Variants in EPC1 observed in about 807,000 individuals in gnomAD.
EPC1 encodes the protein enhancer of polycomb homolog 1.
In EPC1, 12 loss-of-function variants were observed where a neutral mutation model predicts 98.4. The observed-to-expected ratio is 0.12, with a 90% CI of 0.08 to 0.20. EPC1 has a LOEUF of 0.20. EPC1 is among the 10% of genes least tolerant of loss of function. EPC1 has a pLI of 1.00. For missense variants in EPC1, 729 were observed against 990.5 expected (o/e 0.74, Z 3.54); for synonymous variants, 357 against 363.9 (o/e 0.98, Z 0.21).
chr10:32,330,456 T>A (rs577378546), intron 1 of EPC1, among the ~76,000 whole-genome samples: 1 of 152,314 alleles, frequency 6.6e-6, no homozygotes, highest in South Asian at 2.1e-4. Flanking sequence ...AAACAGCATT[T>A]ACATCACAAG....
chr10:32,355,658 A>G (rs1476082877), intron 1 of EPC1, among the ~76,000 whole-genome samples: 2 of 123,292 alleles, frequency 1.6e-5, no homozygotes, highest in Admixed American at 1.0e-4. Context: ...AGAGTTGACC[A>G]GGCTAGAGTG....
chr10:32,288,949 C>T (rs1350496517), intron 6 of EPC1, among the ~76,000 whole-genome samples: 3 of 151,734 alleles, frequency 2.0e-5, no homozygotes, highest in African/African-American at 7.3e-5. Flanking sequence ...ATTAGCCAGG[C>T]GTGGTGGCAT....
chr10:32,364,835 C>A (rs1839551621), intron 1 of EPC1, among the ~76,000 whole-genome samples: 1 of 152,092 alleles, frequency 6.6e-6, no homozygotes, highest in Non-Finnish European at 1.5e-5. Context: ...CACACGCAGC[C>A]CAGGACAGCT....
intron 1 of EPC1, among the ~76,000 whole-genome samples, chr10:32,327,423 T>A (rs1449386301): frequency 6.6e-6 from 1 of 152,142 alleles, no homozygotes; most frequent in African/African-American, 2.4e-5. Context: ...CAGCACATTA[T>A]ATGTTTCAAA....
intron 2 of EPC1, among the ~76,000 whole-genome samples, chr10:32,299,893 T>C (rs1165798063): frequency 6.6e-6 from 1 of 152,118 alleles, no homozygotes; most frequent in Non-Finnish European, 1.5e-5. Context: ...CCAACCCTGA[T>C]TTATGATAAT....
chr10:32,271,919 TAG>T lies in EPC1; in HGVS notation c.2006-4_2006-3del. 6.2e-7 allele frequency: 1 copy of T among 1,607,966 alleles called. No individual in the cohort carries two copies. Among genetic ancestry groups the T allele is most frequent in the Non-Finnish European group, 8.5e-7 (1 of 1,177,278 alleles). On this transcript the variant is annotated splice_region_variant and splice_polypyrimidine_tract_variant and intron_variant, in intron 12 of 13. Coordinates refer to ENST00000319778, the MANE Select transcript of EPC1 (RefSeq NM_001272004.3). The stretch of plus-strand genomic sequence containing the variant: ...TGAGGTGTAAGCCCTTGTATACTCC[TAG>T]AGAGAAAAAGAAAGAAACATCTAAA...
Position 32,354,103 on chromosome 10 carries a change from A to G in EPC1, c.3+24388T>C, listed in dbSNP as rs572764022. 3.9e-5 allele frequency among the ~76,000 whole-genome samples: 6 copies of G among 152,322 alleles called. No individual in the cohort carries two copies. In the South Asian group the frequency reaches 1.2e-3, roughly 32 times the overall value. ...GGTCTGTACATAATCTTTAAGAACTATTTTTCACATAAAATAAAATCATTC... is the reference window on the plus strand; with the variant it reads ...GGTCTGTACATAATCTTTAAGAACTGTTTTTCACATAAAATAAAATCATTC... On this transcript the variant is annotated intron_variant, in intron 1 of 13. Coordinates refer to the EPC1 transcript ENST00000375110.
intron 1 of EPC1, among the ~76,000 whole-genome samples, chr10:32,343,648 A>T (rs947291310): frequency 1.3e-5 from 2 of 151,274 alleles, no homozygotes; most frequent in Admixed American, 6.6e-5. Context: ...TACTACAATT[A>T]AAAAAATAGA....
intron 1 of EPC1, among the ~76,000 whole-genome samples, chr10:32,340,760 G>T (rs1285221602): frequency 2.6e-5 from 4 of 152,096 alleles, no homozygotes; most frequent in African/African-American, 9.7e-5. Flanking sequence ...GGAGGTTGAG[G>T]CTGCAGCTGC....
At chr10:32,324,810 G>T (rs2132932145) in intron 1 of EPC1, among the ~76,000 whole-genome samples, 1 of 152,042 alleles carries the variant, frequency 6.6e-6, no homozygotes, top group South Asian at 2.1e-4. Context: ...TGGCTAACAC[G>T]GTGAAACCCC....
At position 32,301,043 on chromosome 10, in the gene EPC1, TATCTATCTATC is replaced by T. The variant is rs1384270619; in HGVS notation, c.313+4718_313+4728del. Among the ~76,000 whole-genome samples the T allele has an allele frequency of 3.1e-3, 322 of 103,092 alleles. 2 individuals are homozygous for T. Among genetic ancestry groups the T allele is most frequent in the African/African-American group, 0.011 (271 of 25,322 alleles). 67.6% of individuals were successfully genotyped at this position (103,092 alleles called of 152,430 possible). Reference sequence around the variant, plus strand: ...AAAGAATTAGAAGCACATTTATATCTATCTATCTATCTATCTATCTATCTATCTATCTATCT... The same window carrying T: ...AAAGAATTAGAAGCACATTTATATCTTATCTATCTATCTATCTATCTATCT... On this transcript the variant is annotated intron_variant, in intron 2 of 13. Transcript: ENST00000319778.
chr10:32,305,217 G>A (rs1386580630), intron 2 of EPC1, among the ~76,000 whole-genome samples: 1 of 152,234 alleles, frequency 6.6e-6, no homozygotes, highest in Non-Finnish European at 1.5e-5. Flanking sequence ...ATTTGGGGTT[G>A]GCAAGCTATG....
chr10:32,341,331 C>CTCTGTGTGTGTG (rs1554824001), intron 1 of EPC1, among the ~76,000 whole-genome samples: 11 of 151,064 alleles, frequency 7.3e-5, no homozygotes, highest in Admixed American at 7.2e-4. Flanking sequence ...GTGTGTGTGT[C>CTCTGTGTGTGTG]TGTGTGTGTG....
chr10:32,369,661 G>T (rs112509727), intron 1 of EPC1, among the ~76,000 whole-genome samples: 4,127 of 152,246 alleles, frequency 0.027, 179 homozygotes, highest in African/African-American at 0.092. Flanking sequence ...GCATTTTTTT[G>T]TAGTGTAAGT....
At chr10:32,288,515 A>G (rs768474449) in intron 6 of EPC1, among the ~76,000 whole-genome samples, 6 of 151,864 alleles carry the variant, frequency 4.0e-5, no homozygotes, top group Non-Finnish European at 7.4e-5. Context: ...TGCGCTCGCT[A>G]ATTTTTTGTA....
chr10:32,324,081 G>A (rs1315955637), intron 1 of EPC1, among the ~76,000 whole-genome samples: 1 of 151,860 alleles, frequency 6.6e-6, no homozygotes, highest in Admixed American at 6.6e-5. Context: ...GACTACAGGC[G>A]CCCGCCACCA....
rs372874486 is a variant in EPC1, at chr10:32,341,284, C to T, written c.153+5479G>A. Among the ~76,000 whole-genome samples the T allele has an allele frequency of 7.0e-4, 106 of 151,884 alleles. 3 individuals carry two copies. In the South Asian group the frequency reaches 0.022, roughly 31 times the overall value. Reference sequence around the variant, plus strand: ...TTACATACATAAAAAGGACTCTTGCCATTACTAAGTGCTTTAAAACATGGA... The same window carrying T: ...TTACATACATAAAAAGGACTCTTGCTATTACTAAGTGCTTTAAAACATGGA... On this transcript the variant is annotated intron_variant, in intron 1 of 13. Coordinates refer to ENST00000319778, the MANE Select transcript of EPC1 (RefSeq NM_001272004.3).
chr10:32,295,146 G>C (rs1835075605), intron 2 of EPC1, among the ~76,000 whole-genome samples: 2 of 152,078 alleles, frequency 1.3e-5, no homozygotes, highest in Non-Finnish European at 2.9e-5. Flanking sequence ...TAGAATGTGT[G>C]TGATCTCTTT....
At chr10:32,322,040 T>G (rs1836958584) in intron 1 of EPC1, among the ~76,000 whole-genome samples, 1 of 148,336 alleles carries the variant, frequency 6.7e-6, no homozygotes, top group Non-Finnish European at 1.5e-5. Context: ...TGATTTTAGC[T>G]CCTAAGACTT....
Sources: allele counts gnomAD v4.1 joint callset (sites outside exome capture counted in the v4.1 genomes callset), GRCh38; gene constraint gnomAD v4.1.1; transcripts MANE v1.5; gene names NCBI Gene and HGNC (gene_info 2026-07-23, HGNC 2026-07-21).